ADAMTSL1: variants seen among roughly 807,000 people sequenced by gnomAD.
ADAMTSL1 encodes ADAMTS like 1, also known as ADAMTS-like protein 1.
In ADAMTSL1, 126 loss-of-function variants were observed where a neutral mutation model predicts 201.8. The observed-to-expected ratio is 0.62, with a 90% confidence interval of 0.54 to 0.72. The LOEUF (loss-of-function observed/expected upper bound fraction) is 0.72, where lower values mean the gene tolerates loss of function less well. Among genes scored for constraint, ADAMTSL1 ranks in the 30% least tolerant of loss-of-function variants. The pLI is 0.00. For missense variants in ADAMTSL1, 2,679 were observed against 2,277.8 expected (o/e 1.18, Z -3.59); for synonymous variants, 1,121 against 903.4 (o/e 1.24, Z -4.32).
chr9:18,496,345 G>A (rs1261236587), intron 1 of ADAMTSL1, among the ~76,000 whole-genome samples: 1 of 152,176 alleles, frequency 6.6e-6, no homozygotes, highest in Non-Finnish European at 1.5e-5. Context: ...AAGCCAGGGA[G>A]AATGTTTTAA....
chr9:18,564,311 C>G (rs1472256250), intron 3 of ADAMTSL1, among the ~76,000 whole-genome samples: 2 of 152,170 alleles, frequency 1.3e-5, no homozygotes, highest in African/African-American at 4.8e-5. Flanking sequence ...ACGCACCACC[C>G]TGCTTGGGCT....
At chr9:18,146,889 T>C (rs1826668626) in intron 1 of ADAMTSL1, among the ~76,000 whole-genome samples, 2 of 152,146 alleles carry the variant, frequency 1.3e-5, no homozygotes, top group Admixed American at 1.3e-4. Context: ...AATTTTATGG[T>C]GATTTAGTGC....
chr9:18,235,642 T>C (rs1357243857), intron 2 of ADAMTSL1, among the ~76,000 whole-genome samples: 3 of 152,214 alleles, frequency 2.0e-5, no homozygotes, highest in African/African-American at 7.2e-5. Flanking sequence ...TTCCATTTTA[T>C]AGGTGGGGAA....
intron 1 of ADAMTSL1, among the ~76,000 whole-genome samples, chr9:18,132,389 C>G (rs1370597410): frequency 6.6e-6 from 1 of 152,180 alleles, no homozygotes; most frequent in Non-Finnish European, 1.5e-5. Flanking sequence ...TACTGCTACC[C>G]ATTTCCAGAA....
chr9:17,980,962 A>G (rs1818667025), intron 1 of ADAMTSL1, among the ~76,000 whole-genome samples: 1 of 152,120 alleles, frequency 6.6e-6, no homozygotes, highest in African/African-American at 2.4e-5. Flanking sequence ...ACTCTTGACA[A>G]CCAGCTTTTG....
chr9:17,999,523 T>C (rs1220312245), intron 1 of ADAMTSL1, among the ~76,000 whole-genome samples: 2 of 152,074 alleles, frequency 1.3e-5, no homozygotes, highest in African/African-American at 4.8e-5. Flanking sequence ...CTATGCTCTA[T>C]TGAGATTTGG....
At chr9:18,068,884 C>A (rs1822829638) in intron 1 of ADAMTSL1, among the ~76,000 whole-genome samples, 1 of 152,162 alleles carries the variant, frequency 6.6e-6, no homozygotes, top group Non-Finnish European at 1.5e-5. Context: ...CAGCACTTTA[C>A]TCTGGGACCT....
At chr9:18,400,480 C>T (rs1278985983) in intron 2 of ADAMTSL1, among the ~76,000 whole-genome samples, 3 of 152,206 alleles carry the variant, frequency 2.0e-5, no homozygotes, top group Non-Finnish European at 2.9e-5. Flanking sequence ...ATAATACGCT[C>T]TAACAGAATA....
At chr9:18,565,370 A>G (rs986018145) in intron 3 of ADAMTSL1, among the ~76,000 whole-genome samples, 1 of 152,182 alleles carries the variant, frequency 6.6e-6, no homozygotes, top group Non-Finnish European at 1.5e-5. Context: ...GTAAGGTATT[A>G]AGATGGTTAA....
In ADAMTSL1 at chr9:18,094,096, G is replaced by T. The variant is rs552405083; in HGVS notation, c.88-69766G>T. Among the ~76,000 whole-genome samples the T allele has an allele frequency of 3.9e-5, 6 of 152,166 alleles. No individual in the cohort carries two copies. The South Asian group carries it at 1.0e-3, about 26-fold the overall frequency. ...TAATGTACCCAGAGTAGATTTCAGAGGCTAGAAACTGGAGGTTAGAAAACC... is the reference window on the plus strand; with the variant it reads ...TAATGTACCCAGAGTAGATTTCAGATGCTAGAAACTGGAGGTTAGAAAACC... On this transcript the variant is annotated intron_variant, in intron 1 of 29. Coordinates refer to the ADAMTSL1 transcript ENST00000680146.
At chr9:18,636,826 G>T (rs1827138242) in intron 6 of ADAMTSL1, among the ~76,000 whole-genome samples, 1 of 152,166 alleles carries the variant, frequency 6.6e-6, no homozygotes, top group Non-Finnish European at 1.5e-5. Flanking sequence ...CTTCACTTCA[G>T]TTGGTTCCTT....
chr9:18,411,706 C>T (rs1404446143), intron 2 of ADAMTSL1, among the ~76,000 whole-genome samples: 1 of 152,114 alleles, frequency 6.6e-6, no homozygotes, highest in Non-Finnish European at 1.5e-5. Context: ...TCCATGACCC[C>T]CATTTTTTTA....
At chr9:18,836,861 T>G (rs868448074) in intron 23 of ADAMTSL1, among the ~76,000 whole-genome samples, 2 of 152,170 alleles carry the variant, frequency 1.3e-5, no homozygotes, top group African/African-American at 4.8e-5. Flanking sequence ...TTGTGTATTT[T>G]TGTGTTGCTA....
At chr9:17,929,324 C>A (rs1034816666) in intron 1 of ADAMTSL1, among the ~76,000 whole-genome samples, 3 of 152,056 alleles carry the variant, frequency 2.0e-5, no homozygotes, top group African/African-American at 7.2e-5. Context: ...TCCACTCCCC[C>A]ACCCCCATGA....
At chr9:17,978,278 G>T (rs1186929544) in intron 1 of ADAMTSL1, among the ~76,000 whole-genome samples, 1 of 151,894 alleles carries the variant, frequency 6.6e-6, no homozygotes, top group African/African-American at 2.4e-5. Context: ...AAATTTAATC[G>T]ATTTTCATTT....
Position 18,186,856 on chromosome 9 carries a change from CACACAT to C in ADAMTSL1, c.207+22876_207+22881del, listed in dbSNP as rs1431752225. ...CAACACACACACACACACACACACA[CACACAT>C]GCACAAACACACACAAACGTGAACA... is the stretch of plus-strand genomic sequence containing the variant. On this transcript the variant is annotated intron_variant, in intron 2 of 29. Transcript: ENST00000680146. 1.1e-4 allele frequency among the ~76,000 whole-genome samples: 16 copies of C among 146,470 alleles called. No individual in the cohort carries two copies. The South Asian group carries it at 1.1e-3, about 10-fold the overall frequency.
chr9:18,711,265 G>A (rs1832571240), intron 14 of ADAMTSL1, among the ~76,000 whole-genome samples: 1 of 152,228 alleles, frequency 6.6e-6, no homozygotes. Context: ...AATAGGAACA[G>A]CTCCGATCTA....
chr9:18,292,200 C>G (rs1047749929), intron 2 of ADAMTSL1, among the ~76,000 whole-genome samples: 3 of 152,052 alleles, frequency 2.0e-5, no homozygotes, highest in Admixed American at 1.3e-4. Flanking sequence ...CCAAGGGAAG[C>G]TTCAGGTGAT....
chr9:18,483,556 G>A (rs1821834802), intron 1 of ADAMTSL1, among the ~76,000 whole-genome samples: 1 of 152,186 alleles, frequency 6.6e-6, no homozygotes, highest in Non-Finnish European at 1.5e-5. Flanking sequence ...GGCGTGGCGC[G>A]CTGGCTCACA....
Sources: gnomAD v4.1 joint callset for allele counts (sites outside exome capture counted in the v4.1 genomes callset) on GRCh38, gnomAD v4.1.1 for gene constraint, MANE v1.5 for transcripts, NCBI Gene and HGNC (gene_info 2026-07-23, HGNC 2026-07-21) for gene names.